Variants in SPIDR observed in about 807,000 individuals in gnomAD.
The protein encoded by SPIDR is DNA repair-scaffolding protein.
In SPIDR, 93 loss-of-function variants were observed where a neutral mutation model predicts 104.6. The observed-to-expected ratio is 0.89, with a 90% confidence interval of 0.75 to 1.06. SPIDR has a LOEUF of 1.06. SPIDR is among the 50% of genes least tolerant of loss of function. The pLI is 0.00. For missense variants in SPIDR, 1,154 were observed against 1,111.2 expected (o/e 1.04, Z -0.55); for synonymous variants, 431 against 416.9 (o/e 1.03, Z -0.41).
In SPIDR at chr8:47,640,557, A is replaced by G. The variant is rs537797508; in HGVS notation, c.1545-33244A>G. Among the ~76,000 whole-genome samples, 10 of 152,340 alleles carry G rather than the reference A, an allele frequency of 6.6e-5. No homozygotes were observed. In the South Asian group the frequency reaches 1.7e-3, roughly 25 times the overall value. ...GTTTTGTCCTTTAACTTAATGTTCTATCTTTCTAAAAGAATTCAAAGTCCA... is the reference window on the plus strand; with the variant it reads ...GTTTTGTCCTTTAACTTAATGTTCTGTCTTTCTAAAAGAATTCAAAGTCCA... On this transcript the variant is annotated intron_variant, in intron 10 of 19. Transcript: ENST00000297423.
At position 47,502,062 on chromosome 8, in the gene SPIDR, A is replaced by G. The variant is rs191625068; in HGVS notation, c.1097+61520A>G. Among the ~76,000 whole-genome samples the G allele has an allele frequency of 2.6e-5, 4 of 151,804 alleles. No individual in the cohort carries two copies. In the East Asian group the frequency reaches 5.8e-4, roughly 22 times the overall value. ...TCGGTTTGCCAGTATTTTATTGAGG[A>G]TTCTGTCGATGTGCATCAAGGATAT... On this transcript the variant is annotated intron_variant, in intron 8 of 19. Coordinates refer to ENST00000297423, the MANE Select transcript of SPIDR (RefSeq NM_001080394.4).
rs531460466 is a variant in SPIDR at position 47,448,239 on chromosome 8, G to A, written c.1097+7697G>A. 8.5e-5 allele frequency among the ~76,000 whole-genome samples: 13 copies of A among 152,104 alleles called. No homozygotes were observed. The South Asian group carries it at 1.9e-3, about 22-fold the overall frequency. On this transcript the variant is annotated intron_variant, in intron 8 of 19. Transcript: ENST00000297423. ...TCAATTCAAAAATTTTTTTACTACT[G>A]TATTCCCGTTGCCTAGAATAATGCT...
intron 5 of SPIDR, among the ~76,000 whole-genome samples, chr8:47,392,024 A>G (rs1377607350): frequency 2.0e-5 from 3 of 151,492 alleles, no homozygotes; most frequent in Non-Finnish European, 4.4e-5. Flanking sequence ...GAAAGAAAAG[A>G]AAAGAAACCA....
intron 8 of SPIDR, among the ~76,000 whole-genome samples, chr8:47,491,203 C>T (rs1291497746): frequency 6.6e-6 from 1 of 151,780 alleles, no homozygotes; most frequent in African/African-American, 2.4e-5. Flanking sequence ...TTTACTGAAG[C>T]AATAGTTTTC....
intron 7 of SPIDR, among the ~76,000 whole-genome samples, chr8:47,435,335 T>A (rs1554691461): frequency 6.6e-6 from 1 of 151,906 alleles, no homozygotes; most frequent in African/African-American, 2.4e-5. Context: ...TCTGTGTGTG[T>A]GTGTGTGTGT....
At chr8:47,679,505 A>C (rs1168834294) in intron 11 of SPIDR, among the ~76,000 whole-genome samples, 204 of 37,802 alleles carry the variant, frequency 5.4e-3, no homozygotes, top group Admixed American at 7.4e-3. Flanking sequence ...ACCTCCCCCC[A>C]CCCCTTCCAG....
At chr8:47,298,398 T>G (rs1371071797) in intron 5 of SPIDR, among the ~76,000 whole-genome samples, 1 of 152,158 alleles carries the variant, frequency 6.6e-6, no homozygotes, top group Non-Finnish European at 1.5e-5. Context: ...CTCCCATTCT[T>G]TAGGTTGCTG....
At chr8:47,335,922 T>C (rs2049633584) in intron 5 of SPIDR, among the ~76,000 whole-genome samples, 1 of 138,450 alleles carries the variant, frequency 7.2e-6, no homozygotes, top group Non-Finnish European at 1.5e-5. Context: ...AAGTTTTTGC[T>C]TTTTTTTTTT....
At chr8:47,660,543 G>T in intron 10 of SPIDR, 1 of 985,064 alleles carries the variant, frequency 1.0e-6, no homozygotes, top group Non-Finnish European at 1.2e-6. Context: ...TGTTCCCCTG[G>T]AACCACTTTC....
At position 47,504,579 on chromosome 8, in the gene SPIDR, A is replaced by C. The variant is rs553694291; in HGVS notation, c.1097+64037A>C. On this transcript the variant is annotated intron_variant, in intron 8 of 19. Transcript: ENST00000297423. ...TTTTAACTTCTTTGCCATGGGTGCAAACTTCCTCCTTTAGCTCGGAGTAGT... is the reference window on the plus strand; with the variant it reads ...TTTTAACTTCTTTGCCATGGGTGCACACTTCCTCCTTTAGCTCGGAGTAGT... 2.0e-5 allele frequency among the ~76,000 whole-genome samples: 3 copies of C among 152,190 alleles called. No homozygotes were observed. In the South Asian group the frequency reaches 6.2e-4, roughly 32 times the overall value.
chr8:47,264,692 C>G (rs1165184318), intron 1 of SPIDR, among the ~76,000 whole-genome samples: 1 of 151,706 alleles, frequency 6.6e-6, no homozygotes, highest in Non-Finnish European at 1.5e-5. Flanking sequence ...TGCAGTGGCC[C>G]GATCTCGGCT....
At chr8:47,640,841 CTTTTTTTTTTTTTTTTTTTTTTTTTTTT>C (rs57405701) in intron 10 of SPIDR, among the ~76,000 whole-genome samples, 16 of 41,304 alleles carry the variant, frequency 3.9e-4, no homozygotes, top group African/African-American at 1.2e-3. Flanking sequence ...CCACACCCAG[CTTTTTTTTTTTTTTTTTTTTTTTTTTTT>C]TTTTTTTTTT....
chr8:47,576,647 C>T (rs746662952), intron 8 of SPIDR, among the ~76,000 whole-genome samples: 2 of 147,056 alleles, frequency 1.4e-5, no homozygotes, highest in Admixed American at 6.8e-5. Flanking sequence ...TTGACCAGGC[C>T]GGTCTCAAAC....
At chr8:47,475,713 T>C (rs1365298770) in intron 8 of SPIDR, among the ~76,000 whole-genome samples, 2 of 152,150 alleles carry the variant, frequency 1.3e-5, no homozygotes, top group African/African-American at 4.8e-5. Flanking sequence ...ATAATAAGTG[T>C]ATTGGTACTA....
intron 3 of SPIDR, among the ~76,000 whole-genome samples, chr8:47,288,152 T>A (rs2039220489): frequency 6.6e-6 from 1 of 152,248 alleles, no homozygotes; most frequent in Non-Finnish European, 1.5e-5. Flanking sequence ...TTGCTACTGC[T>A]TTAAATTTGA....
At chr8:47,371,216 C>T (rs1347125965) in intron 5 of SPIDR, among the ~76,000 whole-genome samples, 2 of 150,764 alleles carry the variant, frequency 1.3e-5, no homozygotes, top group East Asian at 3.9e-4. Context: ...ATTACTGACA[C>T]TTCTGTCTTT....
rs200359332 is a variant in SPIDR at position 47,312,338 on chromosome 8, A to G, written c.525+18308A>G. On this transcript the variant is annotated intron_variant, in intron 5 of 19. Transcript: ENST00000297423. ...TGAACTAGTTTACACTCCCACCAACAGTGTAAAAGTGTTCCTGTTTCTCCA... is the reference window on the plus strand; with the variant it reads ...TGAACTAGTTTACACTCCCACCAACGGTGTAAAAGTGTTCCTGTTTCTCCA... 1.4e-3 allele frequency among the ~76,000 whole-genome samples: 208 copies of G among 152,294 alleles called. 2 individuals carry two copies. In the East Asian group the frequency reaches 0.035, roughly 25 times the overall value.
chr8:47,333,224 G>T (rs576322345), intron 5 of SPIDR, among the ~76,000 whole-genome samples: 1 of 152,094 alleles, frequency 6.6e-6, no homozygotes, highest in African/African-American at 2.4e-5. Flanking sequence ...AATACCTCCT[G>T]AAGGGATCTG....
intron 7 of SPIDR, among the ~76,000 whole-genome samples, chr8:47,428,480 GTAT>G (rs1563947164): frequency 6.6e-6 from 1 of 152,118 alleles, no homozygotes; most frequent in African/African-American, 2.4e-5. Flanking sequence ...AAGTCTCCTA[GTAT>G]TATGTATTTA....
Sources: allele counts gnomAD v4.1 joint callset (sites outside exome capture counted in the v4.1 genomes callset), GRCh38; gene constraint gnomAD v4.1.1; transcripts MANE v1.5; gene names NCBI Gene and HGNC (gene_info 2026-07-23, HGNC 2026-07-21).